Variants in GALNTL6 observed in about 807,000 individuals in gnomAD.
GALNTL6 encodes polypeptide N-acetylgalactosaminyltransferase like 6.
Under a neutral mutation model 73.7 loss-of-function variants are expected in GALNTL6, and 46 were observed. That is an observed-to-expected ratio of 0.62 (90% CI 0.49 to 0.80). The LOEUF (loss-of-function observed/expected upper bound fraction) is 0.80. GALNTL6 is among the 30% of genes least tolerant of loss of function. The pLI, the probability that GALNTL6 is intolerant of heterozygous loss-of-function variation, is 0.00. For synonymous variants in GALNTL6, 259 were observed against 263.7 expected (o/e 0.98, Z 0.17); for missense variants, 604 against 755.0 (o/e 0.80, Z 2.34).
chr4:172,937,069 G>A (rs915991818), intron 9 of GALNTL6, among the ~76,000 whole-genome samples: 3 of 151,870 alleles, frequency 2.0e-5, no homozygotes, highest in East Asian at 1.9e-4. Flanking sequence ...AGAGAGTTAC[G>A]GAGGGTGTGC....
chr4:171,831,805 G>A (rs1168696376), intron 2 of GALNTL6, among the ~76,000 whole-genome samples: 2 of 151,748 alleles, frequency 1.3e-5, no homozygotes, highest in African/African-American at 4.8e-5. Context: ...CATAATATTT[G>A]TATGCTAAAA....
chr4:171,977,894 T>G (rs376028124), intron 2 of GALNTL6, among the ~76,000 whole-genome samples: 4 of 152,188 alleles, frequency 2.6e-5, no homozygotes, highest in African/African-American at 9.6e-5. Flanking sequence ...ATTGGCTTAC[T>G]GTTTTGTTTT....
chr4:171,908,105 AC>A (rs1737351586), intron 2 of GALNTL6, among the ~76,000 whole-genome samples: 1 of 152,230 alleles, frequency 6.6e-6, no homozygotes, highest in African/African-American at 2.4e-5. Context: ...CATGTCTAAA[AC>A]ATCAAAAGCA....
At chr4:171,817,985 T>C (rs1459612133) in intron 2 of GALNTL6, among the ~76,000 whole-genome samples, 1 of 151,586 alleles carries the variant, frequency 6.6e-6, no homozygotes, top group Non-Finnish European at 1.5e-5. Context: ...TCTTTTTTTG[T>C]TATTGGGATG....
chr4:171,883,528 C>G (rs774124832), intron 2 of GALNTL6, among the ~76,000 whole-genome samples: 3 of 152,162 alleles, frequency 2.0e-5, no homozygotes, highest in Non-Finnish European at 2.9e-5. Flanking sequence ...TCTTCTTCCA[C>G]TTGGTGGTAT....
intron 5 of GALNTL6, among the ~76,000 whole-genome samples, chr4:172,764,635 T>C (rs1738302038): frequency 6.6e-6 from 1 of 152,148 alleles, no homozygotes; most frequent in South Asian, 2.1e-4. Flanking sequence ...TGCTCAATTG[T>C]TGAGTCAGAA....
At chr4:172,000,260 GA>G (rs1740631805) in intron 2 of GALNTL6, among the ~76,000 whole-genome samples, 1 of 152,126 alleles carries the variant, frequency 6.6e-6, no homozygotes, top group South Asian at 2.1e-4. Context: ...CGGCAGTATG[GA>G]AAATAAACTC....
Position 172,528,963 on chromosome 4 carries a change from A to ATATATATATATATATATATATATG in GALNTL6, c.553+180275_553+180276insATATATATATATATATATATATGT, listed in dbSNP as rs1350827830. Reference sequence around the variant, plus strand: ...TGTTTTCCCAAAGGCATATATATATATGTGTGTGTATATTTATACATATGT... The same window carrying ATATATATATATATATATATATATG: ...TGTTTTCCCAAAGGCATATATATATATATATATATATATATATATATATGTGTGTGTGTATATTTATACATATGT... On this transcript the variant is annotated intron_variant, in intron 5 of 12. Transcript: ENST00000506823. Among the ~76,000 whole-genome samples the ATATATATATATATATATATATATG allele has an allele frequency of 9.9e-4, 30 of 30,226 alleles. 4 individuals are homozygous for ATATATATATATATATATATATATG. The highest frequency in any genetic ancestry group is 1.4e-3 in the Non-Finnish European group (16 of 11,776). 19.8% of individuals were successfully genotyped at this position (30,226 alleles called of 152,430 possible). A position where few individuals can be genotyped will look rare whatever the true frequency, so the allele number is the denominator to read the frequency against.
chr4:171,850,466 G>A (rs917131532), intron 2 of GALNTL6, among the ~76,000 whole-genome samples: 3 of 152,128 alleles, frequency 2.0e-5, no homozygotes, highest in Non-Finnish European at 4.4e-5. Flanking sequence ...ATCAGCATCT[G>A]GTGGGACTGT....
At chr4:172,231,567 C>G (rs1027132698) in intron 3 of GALNTL6, among the ~76,000 whole-genome samples, 6 of 152,052 alleles carry the variant, frequency 3.9e-5, no homozygotes, top group African/African-American at 1.2e-4. Flanking sequence ...AGCAAGGACA[C>G]AACAGGAGAA....
chr4:172,305,216 G>T (rs1429860044), intron 3 of GALNTL6, among the ~76,000 whole-genome samples: 1 of 151,830 alleles, frequency 6.6e-6, no homozygotes, highest in Non-Finnish European at 1.5e-5. Flanking sequence ...TTAGCCAGGG[G>T]GAAAAATGCC....
At chr4:172,132,757 A>G (rs964543547) in intron 2 of GALNTL6, among the ~76,000 whole-genome samples, 1 of 152,174 alleles carries the variant, frequency 6.6e-6, no homozygotes, top group Non-Finnish European at 1.5e-5. Context: ...ACAGCTAAAC[A>G]TCTATCTAAA....
intron 10 of GALNTL6, among the ~76,000 whole-genome samples, chr4:172,968,878 T>C (rs757797861): frequency 6.6e-6 from 1 of 152,216 alleles, no homozygotes; most frequent in Non-Finnish European, 1.5e-5. Flanking sequence ...ATATATGAGA[T>C]TGTTCATATA....
intron 5 of GALNTL6, among the ~76,000 whole-genome samples, chr4:172,653,474 G>T (rs903985568): frequency 1.3e-5 from 2 of 152,040 alleles, no homozygotes; most frequent in East Asian, 1.9e-4. Flanking sequence ...GCCCGCCTCG[G>T]CCTCCCAAAG....
chr4:171,901,115 G>C (rs1737078316), intron 2 of GALNTL6, among the ~76,000 whole-genome samples: 1 of 152,108 alleles, frequency 6.6e-6, no homozygotes, highest in African/African-American at 2.4e-5. Flanking sequence ...CAAAGATTTG[G>C]AGTAGCAGTG....
At chr4:172,553,328 G>C (rs1000321489) in intron 5 of GALNTL6, among the ~76,000 whole-genome samples, 5 of 152,112 alleles carry the variant, frequency 3.3e-5, no homozygotes, top group Non-Finnish European at 7.4e-5. Context: ...GACATTTCCA[G>C]GAAAAGCCAG....
intron 5 of GALNTL6, among the ~76,000 whole-genome samples, chr4:172,550,820 G>T (rs573488645): frequency 6.6e-6 from 1 of 152,214 alleles, no homozygotes; most frequent in South Asian, 2.1e-4. Flanking sequence ...AAGTATCAAA[G>T]ACTGAATTGT....
intron 2 of GALNTL6, among the ~76,000 whole-genome samples, chr4:172,048,307 A>G (rs1238265300): frequency 6.6e-6 from 1 of 152,168 alleles, no homozygotes; most frequent in Non-Finnish European, 1.5e-5. Flanking sequence ...GAACTTAAAA[A>G]AAGGGATTTA....
At chr4:172,579,730 G>C (rs1009033173) in intron 5 of GALNTL6, among the ~76,000 whole-genome samples, 2 of 151,548 alleles carry the variant, frequency 1.3e-5, no homozygotes, top group African/African-American at 4.8e-5. Flanking sequence ...AAGTTTGAGA[G>C]ATTTCTATAC....
Sources: gnomAD v4.1 joint callset for allele counts (sites outside exome capture counted in the v4.1 genomes callset) on GRCh38, gnomAD v4.1.1 for gene constraint, MANE v1.5 for transcripts, NCBI Gene and HGNC (gene_info 2026-07-23, HGNC 2026-07-21) for gene names.